Variants in MYOF observed in about 807,000 individuals in gnomAD.
MYOF encodes myoferlin, also known as fer-1-like 3, myoferlin.
A neutral mutation model predicts 284.2 loss-of-function variants in MYOF; 244 were observed. That is an observed-to-expected ratio of 0.86 (90% CI 0.77 to 0.95). MYOF has a LOEUF of 0.95. MYOF is among the 40% of genes least tolerant of loss of function. MYOF has a pLI of 0.00. For missense variants in MYOF, 2,496 were observed against 2,560.6 expected (o/e 0.97, Z 0.54); for synonymous variants, 904 against 919.7 (o/e 0.98, Z 0.31).
At chr10:93,419,565 A>G (rs1331328046) in intron 5 of MYOF, among the ~76,000 whole-genome samples, 1 of 152,226 alleles carries the variant, frequency 6.6e-6, no homozygotes, top group Non-Finnish European at 1.5e-5. Context: ...TTTATTAACA[A>G]TTATGACTTC....
At chr10:93,391,370 C>A (rs949494688) in intron 17 of MYOF, among the ~76,000 whole-genome samples, 9 of 152,120 alleles carry the variant, frequency 5.9e-5, no homozygotes, top group African/African-American at 2.2e-4. Flanking sequence ...GCAGACGGAT[C>A]ACCTGAGGTT....
At chr10:93,435,148 C>T (rs1849062324) in intron 3 of MYOF, among the ~76,000 whole-genome samples, 1 of 152,174 alleles carries the variant, frequency 6.6e-6, no homozygotes, top group Non-Finnish European at 1.5e-5. Flanking sequence ...TAGCCTAACC[C>T]TAGGACTAAG....
chr10:93,433,066 T>G (rs912450194), intron 3 of MYOF, among the ~76,000 whole-genome samples: 5 of 152,164 alleles, frequency 3.3e-5, no homozygotes, highest in African/African-American at 1.2e-4. Flanking sequence ...GGAAGTTCCT[T>G]GTGTGAAATC....
At chr10:93,467,675 G>GT (rs2134372437) in intron 1 of MYOF, among the ~76,000 whole-genome samples, 1 of 152,212 alleles carries the variant, frequency 6.6e-6, no homozygotes, top group Admixed American at 6.5e-5. Context: ...ACATGCACAC[G>GT]TATGTTTATT....
At chr10:93,441,313 C>T (rs542228534) in intron 3 of MYOF, among the ~76,000 whole-genome samples, 4 of 152,218 alleles carry the variant, frequency 2.6e-5, no homozygotes, top group Admixed American at 2.6e-4. Flanking sequence ...CACACTTTGC[C>T]CTACCAAATT....
At position 93,332,228 on chromosome 10, in the gene MYOF, T is replaced by TTA. The variant is rs1450216135; in HGVS notation, c.4811+992_4811+993insTA. Among the ~76,000 whole-genome samples, 8 of 150,444 alleles carry TTA rather than the reference T, an allele frequency of 5.3e-5. No individual in the cohort carries two copies. In the South Asian group the frequency reaches 1.1e-3, roughly 20 times the overall value. ...TGAGTTCAAATCCTCATTCTTTTATTTTTTTTTTTTGGGAGACGGAGTCTT... is the reference window on the plus strand; with the variant it reads ...TGAGTTCAAATCCTCATTCTTTTATTTATTTTTTTTTTGGGAGACGGAGTCTT... On this transcript the variant is annotated intron_variant, in intron 43 of 53. Transcript: ENST00000359263.
intron 49 of MYOF, among the ~76,000 whole-genome samples, chr10:93,319,200 G>A (rs1459108758): frequency 1.3e-5 from 2 of 152,206 alleles, no homozygotes; most frequent in East Asian, 1.9e-4. Flanking sequence ...TGAGGTTTGC[G>A]GGGAGGACAG....
chr10:93,374,828 C>T lies in MYOF; in HGVS notation c.2236G>A (p.Asp746Asn), dbSNP rs1036499868. ...AAVRMRSEAT[D>N]VKSTLAEIED... is the part of the protein sequence containing the mutation. Reference sequence around the variant, plus strand: ...ATTTCTGCCAGTGTGGACTTCACATCTGTGGCTTCCGACCTCATCCTCACA... The same window carrying T: ...ATTTCTGCCAGTGTGGACTTCACATTTGTGGCTTCCGACCTCATCCTCACA... Residue 746 changes from aspartate to asparagine, a missense_variant, in exon 23 of 54, where the codon GAT becomes AAT. Coordinates refer to ENST00000359263, the MANE Select transcript of MYOF (RefSeq NM_013451.4). 8 of 1,614,078 alleles carry T rather than the reference C, an allele frequency of 5.0e-6. No homozygotes were observed. In the Admixed American group the frequency reaches 1.2e-4, roughly 24 times the overall value.
At chr10:93,335,311 G>T (rs572415605) in intron 41 of MYOF, among the ~76,000 whole-genome samples, 2 of 152,158 alleles carry the variant, frequency 1.3e-5, no homozygotes, top group Non-Finnish European at 2.9e-5. Flanking sequence ...GTGAGGGGGA[G>T]GGAGGCAGGG....
chr10:93,451,224 C>T (rs2056581390), intron 3 of MYOF, among the ~76,000 whole-genome samples: 1 of 152,052 alleles, frequency 6.6e-6, no homozygotes, highest in African/African-American at 2.4e-5. Context: ...CCTGTAATTC[C>T]AGCTACTTGG....
chr10:93,329,705 G>A lies in MYOF; in HGVS notation c.4941C>T (p.Ser1647=). Residue 1647 remains serine (S), a synonymous_variant, in exon 44 of 54, where the codon TCC becomes TCT. Coordinates refer to ENST00000359263, the MANE Select transcript of MYOF (RefSeq NM_013451.4). ...GTATGCCGCAGTGGGACCCAAAGCG[G>A]GAAAGGAATCGGTTTTCCAGATCAA... The part of the protein sequence containing the change: ...TIIDLENRFL[S]RFGSHCGIPE... The A allele has an allele frequency of 1.2e-6, 2 of 1,614,200 alleles. No individual in the cohort carries two copies. Among genetic ancestry groups the A allele is most frequent in the Non-Finnish European group, 1.7e-6 (2 of 1,180,040 alleles).
chr10:93,355,854 C>T (rs1395868006), intron 30 of MYOF, 118 bp from the exon 31 acceptor site: 6 of 676,872 alleles, frequency 8.9e-6, no homozygotes, highest in Non-Finnish European at 1.5e-5. Context: ...AAGATGTTAT[C>T]GTGCAAACAC....
At chr10:93,417,473 C>T (rs1848181770) in intron 5 of MYOF, among the ~76,000 whole-genome samples, 1 of 152,164 alleles carries the variant, frequency 6.6e-6, no homozygotes, top group African/African-American at 2.4e-5. Context: ...GAAGAGTTGG[C>T]AGCCCTAGAG....
At chr10:93,307,218 G>C (rs1244474692) in intron 53 of MYOF, among the ~76,000 whole-genome samples, 2 of 151,400 alleles carry the variant, frequency 1.3e-5, no homozygotes, top group East Asian at 3.9e-4. Context: ...CAACCAAAAT[G>C]TCTCCAGACG....
In MYOF at chr10:93,336,035, A is replaced by G. The variant is rs79155397; in HGVS notation, c.4449T>C (p.Cys1483=). 105,733 of 1,613,462 alleles carry G rather than the reference A, an allele frequency of 0.066. 3,804 individuals carry two copies. The highest frequency in any genetic ancestry group is 0.12 in the Middle Eastern group (740 of 6,058). Residue 1483 remains cysteine, a synonymous_variant, in exon 41 of 54, where the codon TGT becomes TGC. Coordinates refer to ENST00000359263, the MANE Select transcript of MYOF (RefSeq NM_013451.4). The part of the protein sequence containing the change: ...KGYSKLKIYN[C]ELENVAEFEG... Reference sequence around the variant, plus strand: ...CAAATTCTGCTACATTTTCTAGTTCACAATTATATATCTGAAAACCACCAA... The same window carrying G: ...CAAATTCTGCTACATTTTCTAGTTCGCAATTATATATCTGAAAACCACCAA...
At chr10:93,423,644 T>C (rs190544577) in intron 5 of MYOF, among the ~76,000 whole-genome samples, 51 of 148,464 alleles carry the variant, frequency 3.4e-4, no homozygotes, top group Admixed American at 2.0e-3. Context: ...CCATCCTGGC[T>C]AACACGGTGA....
chr10:93,433,332 T>C (rs912504398), intron 3 of MYOF, among the ~76,000 whole-genome samples: 1 of 152,152 alleles, frequency 6.6e-6, no homozygotes, highest in African/African-American at 2.4e-5. Flanking sequence ...TCATTTTGTA[T>C]TTTTTCAGTA....
intron 12 of MYOF, 143 bp from the exon 13 acceptor site, chr10:93,399,638 C>T (rs540097509): frequency 4.0e-4 from 244 of 605,118 alleles, no homozygotes; most frequent in Non-Finnish European, 6.5e-4. Flanking sequence ...CTTTGAGAGG[C>T]CAAGGCTGGT....
chr10:93,440,179 C>T (rs994465533), intron 3 of MYOF, among the ~76,000 whole-genome samples: 2 of 151,986 alleles, frequency 1.3e-5, no homozygotes, highest in African/African-American at 2.4e-5. Context: ...TTTGTGAGGC[C>T]GAGGCAGGTG....
Sources: gnomAD v4.1 joint callset for allele counts (sites outside exome capture counted in the v4.1 genomes callset) on GRCh38, gnomAD v4.1.1 for gene constraint, MANE v1.5 for transcripts, NCBI Gene and HGNC (gene_info 2026-07-23, HGNC 2026-07-21) for gene names.